EBF2: variants seen among roughly 807,000 people sequenced by gnomAD.
The protein encoded by EBF2 is transcription factor COE2.
In EBF2, 21 loss-of-function variants were observed where a neutral mutation model predicts 72.8. The observed-to-expected ratio is 0.29, with a 90% CI of 0.20 to 0.42. The LOEUF (loss-of-function observed/expected upper bound fraction) is 0.42. Among genes scored for constraint, EBF2 ranks in the 10% least tolerant of loss-of-function variants. The pLI, the probability that EBF2 is intolerant of heterozygous loss-of-function variation, is 1.00. For synonymous variants in EBF2, 299 were observed against 274.2 expected, an observed-to-expected ratio of 1.09 and a Z score of -0.89; for missense variants, 637 against 731.2, an observed-to-expected ratio of 0.87 and a Z score of 1.49.
chr8:25,877,123 A>G (rs551827500), intron 10 of EBF2, among the ~76,000 whole-genome samples: 5 of 152,284 alleles, frequency 3.3e-5, no homozygotes, highest in Middle Eastern at 3.4e-3. Context: ...AGATTTTACA[A>G]TTAGAGACAA....
At position 26,044,582 on chromosome 8, in the gene EBF2, C is replaced by A; in HGVS notation, c.131+147G>T. 2 of 1,236,696 alleles carry A rather than the reference C, an allele frequency of 1.6e-6. No homozygotes were observed. The highest frequency in any genetic ancestry group is 2.9e-5 in the South Asian group (2 of 68,412). The allele number at this position is 1,236,696 out of a possible 1,614,324, so 76.6% of individuals were successfully genotyped here. Reference sequence around the variant, plus strand: ...GCCTGACTGCAGCGATCTGCTTGCCCGAGGGCGAGCCCCAGCGCGCAGGGC... The same window carrying A: ...GCCTGACTGCAGCGATCTGCTTGCCAGAGGGCGAGCCCCAGCGCGCAGGGC... On this transcript the variant is annotated intron_variant, in intron 1 of 15. Transcript: ENST00000520164. This position sits in a 1 kb window ranked among gnomAD's most constrained non-coding sequence, Gnocchi z 4.1.
intron 6 of EBF2, among the ~76,000 whole-genome samples, chr8:25,983,895 G>A (rs962100630): frequency 1.3e-5 from 2 of 152,224 alleles, no homozygotes; most frequent in African/African-American, 2.4e-5. Flanking sequence ...TCAGTGGGGC[G>A]CTATTTAAAA....
At chr8:25,853,062 C>T (rs1802015776) in intron 14 of EBF2, among the ~76,000 whole-genome samples, 1 of 152,056 alleles carries the variant, frequency 6.6e-6, no homozygotes, top group Non-Finnish European at 1.5e-5. Context: ...AAAATAAATG[C>T]ATGGAAAAAT....
intron 7 of EBF2, among the ~76,000 whole-genome samples, chr8:25,899,868 C>T (rs111298675): frequency 5.9e-5 from 9 of 152,190 alleles, no homozygotes; most frequent in Admixed American, 2.0e-4. Flanking sequence ...ACCCTGTGGA[C>T]GCCAGTCAGT....
chr8:25,888,227 C>T (rs62499075), intron 8 of EBF2, among the ~76,000 whole-genome samples: 3,514 of 152,270 alleles, frequency 0.023, 106 homozygotes, highest in East Asian at 0.11. Context: ...AAAGTCCTTG[C>T]ATTCAAAGGG....
intron 6 of EBF2, among the ~76,000 whole-genome samples, chr8:26,026,939 TCATAGCACAATG>T (rs1301814022): frequency 5.3e-5 from 8 of 152,208 alleles, no homozygotes; most frequent in African/African-American, 1.9e-4. Flanking sequence ...AGCACAAATG[TCATAGCACAATG>T]CCCAACATAC....
At chr8:25,868,636 T>G (rs900166200) in intron 10 of EBF2, among the ~76,000 whole-genome samples, 1 of 152,084 alleles carries the variant, frequency 6.6e-6, no homozygotes, top group Admixed American at 6.6e-5. Context: ...ATGCACCACA[T>G]GCCTAATTTT....
intron 6 of EBF2, among the ~76,000 whole-genome samples, chr8:26,006,291 AGAG>A (rs1224738931): frequency 1.3e-5 from 2 of 152,230 alleles, no homozygotes; most frequent in Non-Finnish European, 2.9e-5. Flanking sequence ...CACATTTTAC[AGAG>A]TAGTATCTAC....
At chr8:25,903,558 G>A (rs1033582689) in intron 7 of EBF2, among the ~76,000 whole-genome samples, 5 of 152,096 alleles carry the variant, frequency 3.3e-5, no homozygotes, top group Admixed American at 1.3e-4. Flanking sequence ...ATAGCCAGGC[G>A]TGGTGGCAAG....
At chr8:25,907,355 G>A (rs191552970) in intron 7 of EBF2, among the ~76,000 whole-genome samples, 26 of 135,472 alleles carry the variant, frequency 1.9e-4, no homozygotes, top group Middle Eastern at 4.4e-3. Flanking sequence ...AGGAGGCGGA[G>A]TTTGCAGTGA....
intron 6 of EBF2, among the ~76,000 whole-genome samples, chr8:25,921,434 G>A (rs901485408): frequency 6.6e-6 from 1 of 152,134 alleles, no homozygotes. Context: ...ATATTCCCGA[G>A]TGTAGTCAAC....
chr8:25,977,088 A>C (rs926790036), intron 6 of EBF2, among the ~76,000 whole-genome samples: 4 of 152,138 alleles, frequency 2.6e-5, no homozygotes, highest in African/African-American at 9.7e-5. Context: ...TATCTGACTG[A>C]GATCTGATTA....
At chr8:26,040,540 G>T in intron 4 of EBF2, 76 bp downstream of exon 4, 2 of 1,406,628 alleles carry the variant, frequency 1.4e-6, no homozygotes, top group South Asian at 1.3e-5. Context: ...AGGAGGGGCA[G>T]GTCAGAAACA....
intron 6 of EBF2, among the ~76,000 whole-genome samples, chr8:25,930,926 A>C (rs1803469466): frequency 6.6e-6 from 1 of 152,172 alleles, no homozygotes; most frequent in Non-Finnish European, 1.5e-5. Flanking sequence ...AGTATGATGG[A>C]CTGCCTGGTA....
intron 14 of EBF2, among the ~76,000 whole-genome samples, chr8:25,851,501 G>GAAGT (rs1372866725): frequency 6.6e-6 from 1 of 152,126 alleles, no homozygotes; most frequent in African/African-American, 2.4e-5. Flanking sequence ...TTTACATAAT[G>GAAGT]AAGTACCCCA....
rs1400080248 is a variant in EBF2, at chr8:26,045,365, G to A, written c.-506C>T. 6.6e-6 allele frequency: 1 copy of A among 152,366 alleles called. No individual in the cohort carries two copies. Among genetic ancestry groups the A allele is most frequent in the African/African-American group, 2.4e-5 (1 of 41,462 alleles). The allele number at this position is 152,366 out of a possible 1,614,324, so 9.4% of individuals were successfully genotyped here. On this transcript the variant is annotated 5_prime_UTR_variant, in exon 1 of 16. Coordinates refer to ENST00000520164, the MANE Select transcript of EBF2 (RefSeq NM_022659.4). ...AGGCGGTGGCTGCGAGCGCCACGGA[G>A]CCCGGCTGCAGCCGCGCGCGGGCCC... is the stretch of plus-strand genomic sequence containing the variant.
chr8:25,960,740 G>C (rs1392410469), intron 6 of EBF2, among the ~76,000 whole-genome samples: 1 of 152,186 alleles, frequency 6.6e-6, no homozygotes, highest in Non-Finnish European at 1.5e-5. Context: ...AAAGCCTCAA[G>C]AGATGGAGCT....
At chr8:25,858,010 A>G (rs1802128591) in intron 14 of EBF2, 6 of 502,482 alleles carry the variant, frequency 1.2e-5, no homozygotes, top group Non-Finnish European at 2.3e-5. Flanking sequence ...GCCTAAGAGC[A>G]CACATATTGT....
chr8:25,879,606 C>T (rs1802575116), intron 10 of EBF2, among the ~76,000 whole-genome samples: 1 of 152,136 alleles, frequency 6.6e-6, no homozygotes, highest in Non-Finnish European at 1.5e-5. Context: ...TGGAAAAAGA[C>T]CCACTCTCCA....
Sources: allele counts gnomAD v4.1 joint callset (sites outside exome capture counted in the v4.1 genomes callset), GRCh38; gene constraint gnomAD v4.1.1; non-coding constraint Gnocchi (gnomAD v3.1); transcripts MANE v1.5; gene names NCBI Gene and HGNC (gene_info 2026-07-23, HGNC 2026-07-21).